The following PIK3R5 variants were observed in gnomAD, a reference collection of about 807,000 sequenced individuals.
PIK3R5 encodes the protein phosphoinositide-3-kinase regulatory subunit 5.
PIK3R5 carries 32 observed loss-of-function variants against 94.9 expected under a neutral mutation model. The ratio of observed to expected loss-of-function variants is 0.34; its 90% CI spans 0.25 to 0.45. The LOEUF is 0.45. PIK3R5 is among the 20% of genes least tolerant of loss of function. The probability of loss-of-function intolerance (pLI) is 1.00; values close to 1 mark genes in which losing one functional copy is unlikely to be tolerated. For synonymous variants in PIK3R5, 443 were observed against 479.4 expected (o/e 0.92, Z 0.99); for missense variants, 853 against 1,144.6 (o/e 0.75, Z 3.68).
At chr17:8,948,042 T>TAAAAAAAAAAAAAAAAAAAAA (rs71135932) in intron 1 of PIK3R5, among the ~76,000 whole-genome samples, 17 of 62,760 alleles carry the variant, frequency 2.7e-4, no homozygotes, top group East Asian at 1.2e-3. Context: ...GACTCCGTCT[T>TAAAAAAAAAAAAAAAAAAAAA]AAAAAAAAAA....
chr17:8,957,618 GT>G (rs1257979845), intron 1 of PIK3R5, among the ~76,000 whole-genome samples: 1 of 152,242 alleles, frequency 6.6e-6, no homozygotes, highest in Non-Finnish European at 1.5e-5. Context: ...GATATGCCCA[GT>G]TCAGTGTGGA....
At chr17:8,918,099 G>A (rs958335368) in intron 1 of PIK3R5, among the ~76,000 whole-genome samples, 2 of 152,170 alleles carry the variant, frequency 1.3e-5, no homozygotes, top group African/African-American at 4.8e-5. Context: ...TTAAAAAGAT[G>A]TATGTGCTTG....
chr17:8,879,261 C>T lies in PIK3R5; in HGVS notation c.*1378G>A, dbSNP rs1262279536. 1 of 152,200 alleles carries T rather than the reference C, an allele frequency of 6.6e-6. No homozygotes were observed. The allele number at this position is 152,200 out of a possible 1,614,324, so 9.4% of individuals were successfully genotyped here. A position where few individuals can be genotyped will look rare whatever the true frequency, so the allele number is the denominator to read the frequency against. On this transcript the variant is annotated 3_prime_UTR_variant, in exon 19 of 19. Coordinates refer to ENST00000447110, the MANE Select transcript of PIK3R5 (RefSeq NM_001142633.3). The surrounding 1 kb of genome is among the most constrained non-coding windows in gnomAD (Gnocchi z 4.4). ...CGTGGCTACTTTCTCCACATCAGTC[C>T]AGATCCTCGTCTTGACTTCTGCCCT... is the stretch of plus-strand genomic sequence containing the variant.
intron 5 of PIK3R5, among the ~76,000 whole-genome samples, chr17:8,903,891 GA>G (rs1174050973): frequency 6.6e-6 from 1 of 152,186 alleles, no homozygotes. Context: ...CTTCAGAAGA[GA>G]AAGTATTCTT....
Position 8,888,473 on chromosome 17 carries a change from C to G in PIK3R5, c.1314G>C (p.Arg438Ser). The G allele has an allele frequency of 6.2e-7, 1 of 1,603,152 alleles. No individual in the cohort carries two copies. Among genetic ancestry groups the G allele is most frequent in the Non-Finnish European group, 8.5e-7 (1 of 1,175,666 alleles). ...FKSTSQLVLRRDSRSLEGSSD... is the reference protein window; with the variant it reads ...FKSTSQLVLRSDSRSLEGSSD... ...AGCTGCCCTCCAGGCTCCGAGAGTC[C>G]CTCCGCAGTACCAGCTGGCTGGTGC... The change falls in exon 10 of 19, where the codon AGG becomes AGC. Residue 438 changes from arginine (R) to serine (S), a missense_variant. Coordinates refer to ENST00000447110, the MANE Select transcript of PIK3R5 (RefSeq NM_001142633.3). This position sits in a 1 kb window ranked among gnomAD's most constrained non-coding sequence, Gnocchi z 7.8.
intron 1 of PIK3R5, among the ~76,000 whole-genome samples, chr17:8,924,345 C>A (rs187462299): frequency 6.5e-4 from 98 of 151,622 alleles, no homozygotes; most frequent in African/African-American, 2.2e-3. Flanking sequence ...TCCCAAAGTG[C>A]TGGGATTACA....
At chr17:8,944,491 C>T (rs2091240757) in intron 1 of PIK3R5, among the ~76,000 whole-genome samples, 1 of 152,208 alleles carries the variant, frequency 6.6e-6, no homozygotes, top group Non-Finnish European at 1.5e-5. Context: ...AGAAGCACAT[C>T]CTCTGTAAAG....
At chr17:8,908,360 C>T (rs978573525) in intron 3 of PIK3R5, among the ~76,000 whole-genome samples, 2 of 152,030 alleles carry the variant, frequency 1.3e-5, no homozygotes, top group Non-Finnish European at 2.9e-5. Flanking sequence ...ATATGTTATG[C>T]GCTCCAGAGG....
intron 3 of PIK3R5, among the ~76,000 whole-genome samples, chr17:8,908,493 A>T (rs1175017957): frequency 6.6e-6 from 1 of 151,376 alleles, no homozygotes; most frequent in Non-Finnish European, 1.5e-5. Context: ...AGTGAAAGTG[A>T]CATGTTTTCC....
At chr17:8,942,073 C>T (rs1440280085) in intron 1 of PIK3R5, among the ~76,000 whole-genome samples, 3 of 152,144 alleles carry the variant, frequency 2.0e-5, no homozygotes, top group Non-Finnish European at 2.9e-5. Flanking sequence ...GCGAGGTCAC[C>T]CTGCCAGCTC....
rs922559567 is a variant in PIK3R5 at position 8,911,607 on chromosome 17, C to T, written c.-13-100G>A. 1 of 727,180 alleles carries T rather than the reference C, an allele frequency of 1.4e-6. No individual in the cohort carries two copies. Among genetic ancestry groups the T allele is most frequent in the Non-Finnish European group, 2.3e-6 (1 of 437,152 alleles). 45.0% of individuals were successfully genotyped at this position (727,180 alleles called of 1,614,324 possible). ...GGTGCTCACAGTGCAGCGCGATCAG[C>T]CCAGCCCAGCTATAGCTCAGGTGCT... On this transcript the variant is annotated intron_variant, in intron 1 of 18. Coordinates refer to ENST00000447110, the MANE Select transcript of PIK3R5 (RefSeq NM_001142633.3). This position sits in a 1 kb window ranked among gnomAD's most constrained non-coding sequence, Gnocchi z 5.3.
intron 1 of PIK3R5, among the ~76,000 whole-genome samples, chr17:8,961,255 A>T (rs150181598): frequency 1.6e-4 from 24 of 152,238 alleles, no homozygotes; most frequent in African/African-American, 5.3e-4. Context: ...ACAGGAGAGG[A>T]AGAAGGAGGG....
chr17:8,890,289 C>T lies in PIK3R5; in HGVS notation c.658-163G>A, dbSNP rs933805719. ...GGCCAGGCAGCCAGGCCTCTCCCTG[C>T]CCTTCCATTCTCAGGAAATGGTCAG... On this transcript the variant is annotated intron_variant, in intron 7 of 18. Coordinates refer to ENST00000447110, the MANE Select transcript of PIK3R5 (RefSeq NM_001142633.3). This position sits in a 1 kb window ranked among gnomAD's most constrained non-coding sequence, Gnocchi z 6.1. Among the ~76,000 whole-genome samples, 6 of 152,116 alleles carry T rather than the reference C, an allele frequency of 3.9e-5. No homozygotes were observed. The highest frequency in any genetic ancestry group is 1.2e-4 in the African/African-American group (5 of 41,406).
intron 1 of PIK3R5, among the ~76,000 whole-genome samples, chr17:8,933,470 C>A (rs949337963): frequency 6.6e-6 from 1 of 152,026 alleles, no homozygotes; most frequent in Non-Finnish European, 1.5e-5. Flanking sequence ...TTGTATCAAA[C>A]CTTTAAGAAA....
chr17:8,941,155 C>T (rs1206209090), intron 1 of PIK3R5, among the ~76,000 whole-genome samples: 1 of 152,184 alleles, frequency 6.6e-6, no homozygotes, highest in Non-Finnish European at 1.5e-5. Flanking sequence ...GACCACTTTG[C>T]TTCCTGTCTA....
At position 8,881,803 on chromosome 17, in the gene PIK3R5, T is replaced by G; in HGVS notation, c.2284A>C (p.Lys762Gln). The G allele has an allele frequency of 6.2e-7, 1 of 1,614,072 alleles. No individual in the cohort carries two copies. The highest frequency in any genetic ancestry group is 8.5e-7 in the Non-Finnish European group (1 of 1,179,968). ...TSVNLNKACR[K>Q]QEELDSSMEA... The stretch of plus-strand genomic sequence containing the variant: ...CCCCACTCACCCAGCTCCTCCTGCT[T>G]CCGGCAGGCCTTGTTGAGGTTCACG... The change falls in exon 16 of 19, where the codon AAG becomes CAG. Residue 762 changes from lysine to glutamine, a missense_variant. Transcript: ENST00000447110. The surrounding 1 kb of genome is among the most constrained non-coding windows in gnomAD (Gnocchi z 4.8).
rs2090364378 is a variant in PIK3R5 at position 8,905,039 on chromosome 17, G to A, written c.274-124C>T. ...GACACACATTTCCTGGCCGCAGCGTGTCCCAGGACAAGGTCAGGTGGAACT... is the reference window on the plus strand; with the variant it reads ...GACACACATTTCCTGGCCGCAGCGTATCCCAGGACAAGGTCAGGTGGAACT... On this transcript the variant is annotated intron_variant, in intron 4 of 18. Coordinates refer to ENST00000447110, the MANE Select transcript of PIK3R5 (RefSeq NM_001142633.3). The A allele has an allele frequency of 4.7e-6, 5 of 1,062,574 alleles. No homozygotes were observed. In the South Asian group the frequency reaches 7.3e-5, roughly 16 times the overall value. 65.8% of individuals were successfully genotyped at this position (1,062,574 alleles called of 1,614,324 possible). A position where few individuals can be genotyped will look rare whatever the true frequency, so the allele number is the denominator to read the frequency against.
chr17:8,943,554 T>C (rs1567667820), intron 1 of PIK3R5, among the ~76,000 whole-genome samples: 1 of 152,142 alleles, frequency 6.6e-6, no homozygotes, highest in Non-Finnish European at 1.5e-5. Context: ...GGATGCATCA[T>C]CAGGTCAGGA....
Position 8,890,684 on chromosome 17 carries a change from G to GTGC in PIK3R5, c.657+51_657+53dup. ...GTGGCTGAGATGAAGCAGGGAGAGG[G>GTGC]TGCTACCTCCTCAGAGAGGTGCTCC... On this transcript the variant is annotated intron_variant, in intron 7 of 18. Coordinates refer to ENST00000447110, the MANE Select transcript of PIK3R5 (RefSeq NM_001142633.3). The surrounding 1 kb of genome is among the most constrained non-coding windows in gnomAD (Gnocchi z 6.1). The GTGC allele has an allele frequency of 6.8e-7, 1 of 1,462,492 alleles. No homozygotes were observed. Among genetic ancestry groups the GTGC allele is most frequent in the African/African-American group, 1.4e-5 (1 of 71,984 alleles). The allele number at this position is 1,462,492 out of a possible 1,614,324, so 90.6% of individuals were successfully genotyped here.
Sources: allele counts gnomAD v4.1 joint callset (sites outside exome capture counted in the v4.1 genomes callset), GRCh38; gene constraint gnomAD v4.1.1; non-coding constraint Gnocchi (gnomAD v3.1); transcripts MANE v1.5; gene names NCBI Gene and HGNC (gene_info 2026-07-23, HGNC 2026-07-21).